The following ERH variants were observed in gnomAD, a reference collection of about 807,000 sequenced individuals.
ERH encodes the protein enhancer of rudimentary homolog.
A neutral mutation model predicts 16.8 loss-of-function variants in ERH; 1 was observed. The ratio of observed to expected loss-of-function variants is 0.06; its 90% confidence interval spans 0.02 to 0.28. The LOEUF (loss-of-function observed/expected upper bound fraction) is 0.28, where lower values mean the gene tolerates loss of function less well. ERH is among the 10% of genes least tolerant of loss of function. The pLI, the probability that ERH is intolerant of heterozygous loss-of-function variation, is 1.00. For missense variants in ERH, 42 were observed against 127.5 expected (o/e 0.33, Z 3.23); for synonymous variants, 43 against 43.6 (o/e 0.99, Z 0.05).
chr14:69,392,213 A>G (rs1882234590), intron 2 of ERH, among the ~76,000 whole-genome samples: 2 of 151,984 alleles, frequency 1.3e-5, no homozygotes, highest in African/African-American at 4.8e-5. Context: ...CTACAAGAAA[A>G]AAAAAAAAAG....
chr14:69,394,287 T>TA (rs537218621), intron 2 of ERH, among the ~76,000 whole-genome samples: 150 of 145,248 alleles, frequency 1.0e-3, no homozygotes, highest in East Asian at 3.0e-3. Flanking sequence ...TACATTAGTT[T>TA]AAAAAAAAAA....
chr14:69,395,789 GC>G (rs1165155705), intron 1 of ERH, among the ~76,000 whole-genome samples: 2 of 152,176 alleles, frequency 1.3e-5, no homozygotes, highest in Admixed American at 1.3e-4. Flanking sequence ...TAGATGACTT[GC>G]CTTACTGGGC....
intron 1 of ERH, 121 bp downstream of exon 1, chr14:69,398,110 G>A (rs1478762488): frequency 1.7e-6 from 2 of 1,162,762 alleles, no homozygotes; most frequent in South Asian, 1.5e-5. Context: ...CCACCGACTA[G>A]AGTGGCGGGG....
At chr14:69,385,775 A>C (rs2045888414) in intron 3 of ERH, among the ~76,000 whole-genome samples, 1 of 152,084 alleles carries the variant, frequency 6.6e-6, no homozygotes. Context: ...TCTGGAAGTC[A>C]CCAAAGACTT....
chr14:69,395,724 A>C (rs1882319046), intron 1 of ERH, among the ~76,000 whole-genome samples: 1 of 152,226 alleles, frequency 6.6e-6, no homozygotes, highest in Non-Finnish European at 1.5e-5. Context: ...ATAAATTAGC[A>C]ATATAAACAT....
intron 2 of ERH, among the ~76,000 whole-genome samples, chr14:69,388,398 T>C (rs1027734674): frequency 6.6e-6 from 1 of 152,140 alleles, no homozygotes; most frequent in Non-Finnish European, 1.5e-5. Context: ...TTTGCTCTTG[T>C]TGCCCAGGCT....
At position 69,380,526 on chromosome 14, in the gene ERH, C is replaced by T; in HGVS notation, c.*12G>A. On this transcript the variant is annotated 3_prime_UTR_variant, in exon 4 of 4. Transcript: ENST00000557016. Reference sequence around the variant, plus strand: ...CAAGCCCACCCCAACCCCCCCAGTGCTTCCAACACAATTATTTCCCAGCCT... The same window carrying T: ...CAAGCCCACCCCAACCCCCCCAGTGTTTCCAACACAATTATTTCCCAGCCT... The T allele has an allele frequency of 9.1e-7, 1 of 1,100,066 alleles. No homozygotes were observed. The highest frequency in any genetic ancestry group is 1.4e-6 in the Non-Finnish European group (1 of 719,078). The allele number at this position is 1,100,066 out of a possible 1,614,324, so 68.1% of individuals were successfully genotyped here.
At chr14:69,397,509 C>A (rs893460319) in intron 1 of ERH, among the ~76,000 whole-genome samples, 1 of 151,484 alleles carries the variant, frequency 6.6e-6, no homozygotes, top group Admixed American at 6.6e-5. Flanking sequence ...CACTGCAAAG[C>A]AAATACGTCC....
At chr14:69,398,035 G>A in intron 1 of ERH, 196 bp downstream of exon 1, 1 of 699,758 alleles carries the variant, frequency 1.4e-6, no homozygotes, top group Non-Finnish European at 2.4e-6. Flanking sequence ...GCAACCGCAG[G>A]GCGGACCGGG....
intron 2 of ERH, 59 bp downstream of exon 2, chr14:69,394,766 G>T: frequency 7.5e-7 from 1 of 1,330,668 alleles, no homozygotes; most frequent in Non-Finnish European, 1.1e-6. Context: ...AATTTGGAGG[G>T]GAAAAACCCA....
intron 1 of ERH, among the ~76,000 whole-genome samples, chr14:69,395,118 C>T (rs535355062): frequency 6.6e-6 from 1 of 152,166 alleles, no homozygotes; most frequent in African/African-American, 2.4e-5. Context: ...AGCTTGAGAC[C>T]AACCTGGGCA....
At chr14:69,395,265 A>G (rs1456713385) in intron 1 of ERH, among the ~76,000 whole-genome samples, 1 of 152,144 alleles carries the variant, frequency 6.6e-6, no homozygotes, top group African/African-American at 2.4e-5. Context: ...TGATCACACC[A>G]TTGCATCGGA....
In ERH at chr14:69,394,851, T is replaced by C; in HGVS notation, c.65A>G (p.Tyr22Cys). The change falls in exon 2 of 4, where the codon TAC becomes TGC. Residue 22 changes from tyrosine to cysteine, a missense_variant. Coordinates refer to ENST00000557016, the MANE Select transcript of ERH (RefSeq NM_004450.3). ...KRPEGRTYAD[Y>C]ESVNECMEGV... Reference sequence around the variant, plus strand: ...TTCCATGCATTCATTCACAGATTCGTAGTCAGCATAAGTTCTGCCTTCTGG... The same window carrying C: ...TTCCATGCATTCATTCACAGATTCGCAGTCAGCATAAGTTCTGCCTTCTGG... 1 of 1,613,752 alleles carries C rather than the reference T, an allele frequency of 6.2e-7. No individual in the cohort carries two copies. The highest frequency in any genetic ancestry group is 8.5e-7 in the Non-Finnish European group (1 of 1,179,666).
At chr14:69,391,034 C>G (rs920666001) in intron 2 of ERH, among the ~76,000 whole-genome samples, 18 of 152,194 alleles carry the variant, frequency 1.2e-4, no homozygotes, top group Admixed American at 8.5e-4. Flanking sequence ...GGTGGGAATG[C>G]AAAATGGTCC....
rs1470726006 is a variant in ERH, at chr14:69,380,198, C to T, written c.*340G>A. The T allele has an allele frequency of 1.1e-5, 2 of 188,974 alleles. No individual in the cohort carries two copies. Among genetic ancestry groups the T allele is most frequent in the Non-Finnish European group, 2.1e-5 (2 of 93,146 alleles). 11.7% of individuals were successfully genotyped at this position (188,974 alleles called of 1,614,324 possible). ...AGGACATGGCTAAACTGCATTTCCACCCCCCACCCCATCTTGAAGAAGGGT... is the reference window on the plus strand; with the variant it reads ...AGGACATGGCTAAACTGCATTTCCATCCCCCACCCCATCTTGAAGAAGGGT... On this transcript the variant is annotated 3_prime_UTR_variant, in exon 4 of 4. Coordinates refer to ENST00000557016, the MANE Select transcript of ERH (RefSeq NM_004450.3).
At chr14:69,396,622 G>A (rs1882341154) in intron 1 of ERH, among the ~76,000 whole-genome samples, 1 of 152,192 alleles carries the variant, frequency 6.6e-6, no homozygotes, top group South Asian at 2.1e-4. Context: ...CAGACTTTCT[G>A]AATAAACAAT....
At chr14:69,394,465 C>T (rs948401640) in intron 2 of ERH, among the ~76,000 whole-genome samples, 5 of 151,938 alleles carry the variant, frequency 3.3e-5, no homozygotes, top group African/African-American at 1.2e-4. Flanking sequence ...GTGTGGTGGC[C>T]CATGCCTGTA....
At chr14:69,395,392 G>A (rs1021531407) in intron 1 of ERH, among the ~76,000 whole-genome samples, 1 of 152,068 alleles carries the variant, frequency 6.6e-6, no homozygotes, top group African/African-American at 2.4e-5. Flanking sequence ...TCTGCTGTAC[G>A]GTCTCCCTAA....
At chr14:69,397,081 A>G (rs1373581625) in intron 1 of ERH, among the ~76,000 whole-genome samples, 9 of 152,244 alleles carry the variant, frequency 5.9e-5, no homozygotes, top group African/African-American at 1.7e-4. Flanking sequence ...GTTGCTTTTT[A>G]TATCTAGTCT....
Sources: allele counts gnomAD v4.1 joint callset (sites outside exome capture counted in the v4.1 genomes callset), GRCh38; gene constraint gnomAD v4.1.1; transcripts MANE v1.5; gene names NCBI Gene and HGNC (gene_info 2026-07-23, HGNC 2026-07-21).